Variants in ANTXR2 observed in about 807,000 individuals in gnomAD.
ANTXR2 encodes the protein ANTXR cell adhesion molecule 2, also known as anthrax toxin receptor 2.
A neutral mutation model predicts 73.7 loss-of-function variants in ANTXR2; 44 were observed. The observed-to-expected ratio is 0.60, with a 90% confidence interval of 0.47 to 0.77. ANTXR2 has a LOEUF of 0.77. Ranked by LOEUF, ANTXR2 falls within the 30% of genes least tolerant of loss-of-function variation. The pLI is 0.00. For missense variants in ANTXR2, 604 were observed against 592.5 expected, an observed-to-expected ratio of 1.02 and a Z score of -0.20; for synonymous variants, 217 against 205.9, an observed-to-expected ratio of 1.05 and a Z score of -0.46.
At chr4:79,951,163 A>G (rs951064738) in intron 16 of ANTXR2, among the ~76,000 whole-genome samples, 33 of 152,346 alleles carry the variant, frequency 2.2e-4, no homozygotes, top group Middle Eastern at 6.8e-3. Context: ...ACAAAATTCA[A>G]TAAAATATTT....
intron 12 of ANTXR2, among the ~76,000 whole-genome samples, chr4:80,004,879 G>A (rs1258706449): frequency 6.6e-6 from 1 of 151,644 alleles, no homozygotes; most frequent in Non-Finnish European, 1.5e-5. Flanking sequence ...CTCTCCAGGA[G>A]AATTACCACC....
chr4:80,069,480 C>T lies in ANTXR2; in HGVS notation c.252G>A (p.Val84=), dbSNP rs886059657. ...VSPEMRLSFI[V]FSSQATIILP... Reference sequence around the variant, plus strand: ...AAATAATAGTTGCTTGAGAAGAAAACACAATGAAAGATAATCTCATTTCAG... The same window carrying T: ...AAATAATAGTTGCTTGAGAAGAAAATACAATGAAAGATAATCTCATTTCAG... The change falls in exon 3 of 17, where the codon GTG becomes GTA. Residue 84 remains valine, a synonymous_variant. Coordinates refer to ENST00000403729, the MANE Select transcript of ANTXR2 (RefSeq NM_058172.6). 9 of 1,604,964 alleles carry T rather than the reference C, an allele frequency of 5.6e-6. No individual in the cohort carries two copies. Among genetic ancestry groups the T allele is most frequent in the African/African-American group, 2.7e-5 (2 of 74,728 alleles).
chr4:79,959,883 A>G (rs528304144), intron 16 of ANTXR2, among the ~76,000 whole-genome samples: 71 of 152,356 alleles, frequency 4.7e-4, no homozygotes, highest in Non-Finnish European at 7.8e-4. Context: ...GTCTCTAACA[A>G]TGAGGACAAA....
In ANTXR2 at chr4:80,055,968, TG is replaced by T; in HGVS notation, c.341del (p.Pro114GlnfsTer2). The T allele has an allele frequency of 6.4e-7, 1 of 1,570,518 alleles. No homozygotes were observed. On this transcript the variant is annotated frameshift_variant, in exon 4 of 17. Transcript: ENST00000403729. LOFTEE classifies it high-confidence loss of function. ...CTTCATGGATATATGTCTCTCCTAC[TG>T]GACTAACACGTTTTAAATCCTCCAA... ...KGLEDLKRVS[P>X]VGETYIHEGL...
chr4:79,980,282 C>T (rs1729831329), intron 14 of ANTXR2, among the ~76,000 whole-genome samples: 1 of 152,086 alleles, frequency 6.6e-6, no homozygotes, highest in Non-Finnish European at 1.5e-5. Flanking sequence ...TTCTCACTTA[C>T]TCAAAGTCTG....
At position 79,976,133 on chromosome 4, in the gene ANTXR2, C is replaced by G. The variant is rs182897292; in HGVS notation, c.1428+1488G>C. Among the ~76,000 whole-genome samples, 37 of 152,028 alleles carry G rather than the reference C, an allele frequency of 2.4e-4. 1 individual carries two copies. The highest frequency in any genetic ancestry group is 8.4e-4 in the African/African-American group (35 of 41,490). ...TTCTCCATGTTAGCCAGGATGGTCT[C>G]GATCTCCTGACCTCGTGATCCGCCC... On this transcript the variant is annotated intron_variant, in intron 16 of 16. Coordinates refer to ENST00000403729, the MANE Select transcript of ANTXR2 (RefSeq NM_058172.6).
chr4:79,930,972 T>G (rs1728032155), intron 16 of ANTXR2, among the ~76,000 whole-genome samples: 1 of 152,188 alleles, frequency 6.6e-6, no homozygotes, highest in Admixed American at 6.5e-5. Context: ...CCAGAAAGAT[T>G]CTACAGAATA....
chr4:79,943,736 A>T (rs911953725), intron 16 of ANTXR2, among the ~76,000 whole-genome samples: 5 of 111,004 alleles, frequency 4.5e-5, no homozygotes, highest in African/African-American at 7.4e-5. Context: ...AGAGTATAAT[A>T]AAAAAAAAAA....
intron 16 of ANTXR2, among the ~76,000 whole-genome samples, chr4:79,959,340 A>G (rs1364703546): frequency 1.3e-5 from 2 of 152,134 alleles, no homozygotes; most frequent in African/African-American, 4.8e-5. Context: ...AGCTTAATTT[A>G]TAAGTAGTAA....
intron 16 of ANTXR2, among the ~76,000 whole-genome samples, chr4:79,957,524 C>A (rs1033148111): frequency 6.6e-6 from 1 of 152,024 alleles, no homozygotes; most frequent in East Asian, 1.9e-4. Context: ...TACTTTACTA[C>A]TGAAATTTAC....
chr4:79,934,069 C>T (rs908772944), intron 16 of ANTXR2, among the ~76,000 whole-genome samples: 5 of 152,002 alleles, frequency 3.3e-5, no homozygotes, highest in African/African-American at 9.7e-5. Flanking sequence ...CTATGAATAA[C>T]CATTCATAAT....
intron 16 of ANTXR2, among the ~76,000 whole-genome samples, chr4:79,977,080 T>C (rs1312664579): frequency 6.6e-6 from 1 of 152,248 alleles, no homozygotes; most frequent in Non-Finnish European, 1.5e-5. Context: ...AAAAAATATA[T>C]ACATATCCAT....
intron 10 of ANTXR2, among the ~76,000 whole-genome samples, chr4:80,026,139 T>C (rs1732425477): frequency 6.6e-6 from 1 of 152,180 alleles, no homozygotes; most frequent in Non-Finnish European, 1.5e-5. Context: ...CATTCTTGAA[T>C]TGTAATCCCC....
intron 3 of ANTXR2, among the ~76,000 whole-genome samples, chr4:80,068,854 T>A (rs1472038498): frequency 6.6e-6 from 1 of 152,172 alleles, no homozygotes; most frequent in Non-Finnish European, 1.5e-5. Context: ...GAAATGGTCA[T>A]ATGAAATACT....
At chr4:79,986,429 G>A (rs1049687372) in intron 12 of ANTXR2, among the ~76,000 whole-genome samples, 1 of 152,164 alleles carries the variant, frequency 6.6e-6, no homozygotes, top group East Asian at 1.9e-4. Context: ...CTATGATCAT[G>A]GATATATATT....
intron 10 of ANTXR2, among the ~76,000 whole-genome samples, chr4:80,025,844 CA>C (rs1732410619): frequency 6.6e-6 from 1 of 152,010 alleles, no homozygotes; most frequent in South Asian, 2.1e-4. Context: ...ATAGATAAAA[CA>C]AAAATTGCAG....
At chr4:79,933,735 G>GT (rs10689799) in intron 16 of ANTXR2, among the ~76,000 whole-genome samples, 6,057 of 68,934 alleles carry the variant, frequency 0.088, 1,034 homozygotes, top group African/African-American at 0.33. Flanking sequence ...TGGTGTGTTT[G>GT]TTTTTTTTTT....
intron 16 of ANTXR2, among the ~76,000 whole-genome samples, chr4:79,962,647 T>C (rs943322262): frequency 1.3e-5 from 2 of 152,164 alleles, no homozygotes; most frequent in Non-Finnish European, 2.9e-5. Flanking sequence ...CACTTTAATA[T>C]ATAAAAGGAA....
At chr4:80,018,647 T>C (rs900410779) in intron 11 of ANTXR2, among the ~76,000 whole-genome samples, 4 of 152,210 alleles carry the variant, frequency 2.6e-5, no homozygotes, top group Non-Finnish European at 5.9e-5. Flanking sequence ...TGATTTCAAA[T>C]ATGCCTTTTA....
Sources: allele counts gnomAD v4.1 joint callset (sites outside exome capture counted in the v4.1 genomes callset), GRCh38; gene constraint gnomAD v4.1.1; transcripts MANE v1.5; gene names NCBI Gene and HGNC (gene_info 2026-07-23, HGNC 2026-07-21).